SAMD5: variants seen among roughly 807,000 people sequenced by gnomAD.
SAMD5 encodes sterile alpha motif domain containing 5.
A neutral mutation model predicts 11.3 loss-of-function variants in SAMD5; 13 were observed. That is an observed-to-expected ratio of 1.15 (90% confidence interval 0.75 to 1.83). The LOEUF is 1.83. Among genes scored for constraint, SAMD5 ranks in the 40% most tolerant of loss-of-function variants. SAMD5 has a pLI of 0.00. For synonymous variants in SAMD5, 129 were observed against 111.3 expected, an observed-to-expected ratio of 1.16 and a Z score of -1.00; for missense variants, 255 against 239.1, an observed-to-expected ratio of 1.07 and a Z score of -0.44.
At chr6:147,833,500 T>C in the SAMD5 span, among the ~76,000 whole-genome samples, 1 of 152,186 alleles carries the variant, frequency 6.6e-6, no homozygotes, top group Non-Finnish European at 1.5e-5. Flanking sequence ...AAAAACCATA[T>C]TGATTTGACA....
At chr6:147,776,926 A>T in the SAMD5 span, among the ~76,000 whole-genome samples, 2 of 152,206 alleles carry the variant, frequency 1.3e-5, no homozygotes, top group African/African-American at 4.8e-5. Flanking sequence ...CAGATATGTA[A>T]TGAACTATAA....
chr6:147,841,850 C>G, the SAMD5 span, among the ~76,000 whole-genome samples: 2 of 152,078 alleles, frequency 1.3e-5, no homozygotes, highest in Admixed American at 6.6e-5. Flanking sequence ...AGCTAAAAAG[C>G]CTTTTTTGGA....
chr6:147,829,651 A>G, the SAMD5 span, among the ~76,000 whole-genome samples: 1 of 151,766 alleles, frequency 6.6e-6, no homozygotes, highest in Non-Finnish European at 1.5e-5. Context: ...GCACATTTAG[A>G]TCAACAGGGC....
At chr6:147,536,940 A>T (rs1271544935) in intron 1 of SAMD5, among the ~76,000 whole-genome samples, 2 of 152,146 alleles carry the variant, frequency 1.3e-5, no homozygotes, top group African/African-American at 4.8e-5. Flanking sequence ...GCACCTGTTA[A>T]ATTTTATAGC....
chr6:147,689,776 A>G (rs1200295848), intron 1 of SAMD5, among the ~76,000 whole-genome samples: 1 of 152,170 alleles, frequency 6.6e-6, no homozygotes, highest in East Asian at 1.9e-4. Flanking sequence ...GAATGATTTC[A>G]CTCTTTGTTG....
In SAMD5 at chr6:147,567,687, A is replaced by G. The variant is rs1789064718; in HGVS notation, c.*3231A>G. The G allele has an allele frequency of 7.1e-6, 7 of 985,076 alleles. No homozygotes were observed. Among genetic ancestry groups the G allele is most frequent in the Non-Finnish European group, 7.2e-6 (6 of 829,664 alleles). The allele number at this position is 985,076 out of a possible 1,614,324, so 61.0% of individuals were successfully genotyped here. A position where few individuals can be genotyped will look rare whatever the true frequency, so the allele number is the denominator to read the frequency against. Reference sequence around the variant, plus strand: ...ACTCTCAGTTGTCTTATTTCTTCTTATGCAGAAGAGATTACCTTAAAGCTG... The same window carrying G: ...ACTCTCAGTTGTCTTATTTCTTCTTGTGCAGAAGAGATTACCTTAAAGCTG... On this transcript the variant is annotated 3_prime_UTR_variant, in exon 2 of 2. Coordinates refer to ENST00000367474, the MANE Select transcript of SAMD5 (RefSeq NM_001030060.3).
chr6:147,716,688 C>T (rs1791473897), intron 1 of SAMD5, among the ~76,000 whole-genome samples: 1 of 152,240 alleles, frequency 6.6e-6, no homozygotes, highest in African/African-American at 2.4e-5. Context: ...CAGCCAGCAT[C>T]ATGGCAGCAG....
intron 1 of SAMD5, among the ~76,000 whole-genome samples, chr6:147,657,941 ACT>A (rs1477174768): frequency 6.7e-6 from 1 of 148,830 alleles, no homozygotes; most frequent in African/African-American, 2.4e-5. Context: ...CTAAGTGAAG[ACT>A]CTTTGTTCTA....
At chr6:147,572,759 A>G (rs1225958933), downstream of SAMD5, among the ~76,000 whole-genome samples, 2 of 152,236 alleles carry the variant, frequency 1.3e-5, no homozygotes, top group South Asian at 2.1e-4. Context: ...ATGTTAGTAT[A>G]TGGTATACTG....
intron 1 of SAMD5, among the ~76,000 whole-genome samples, chr6:147,643,380 G>C (rs1293851948): frequency 6.6e-6 from 1 of 151,908 alleles, no homozygotes; most frequent in Non-Finnish European, 1.5e-5. Flanking sequence ...TGTTAAAAAG[G>C]GGAAAAAAAC....
the SAMD5 span, among the ~76,000 whole-genome samples, chr6:147,868,311 T>A: frequency 6.6e-6 from 1 of 152,170 alleles, no homozygotes; most frequent in African/African-American, 2.4e-5. Flanking sequence ...TTACGAGACA[T>A]TAATCTTCCA....
rs75029041 is a variant in SAMD5, at chr6:147,556,837, C to T, written c.460-7557C>T. ...TATCAGAAATAAATTATATCTACAA[C>T]GATAGTATGTTATTTATAGAGCAAT... On this transcript the variant is annotated intron_variant, in intron 1 of 1. Transcript: ENST00000367474. 3.9e-4 allele frequency among the ~76,000 whole-genome samples: 59 copies of T among 152,152 alleles called. No individual in the cohort carries two copies. The South Asian group carries it at 6.4e-3, about 17-fold the overall frequency.
At position 147,567,729 on chromosome 6, in the gene SAMD5, A is replaced by T; in HGVS notation, c.*3273A>T. 1 of 985,398 alleles carries T rather than the reference A, an allele frequency of 1.0e-6. No individual in the cohort carries two copies. The highest frequency in any genetic ancestry group is 1.2e-6 in the Non-Finnish European group (1 of 829,896). 61.0% of individuals were successfully genotyped at this position (985,398 alleles called of 1,614,324 possible). A position where few individuals can be genotyped will look rare whatever the true frequency, so the allele number is the denominator to read the frequency against. Reference sequence around the variant, plus strand: ...TTAAAGCTGACTAGAAAACTCAGACATAAATTGACATTTCCTTATCATTGC... The same window carrying T: ...TTAAAGCTGACTAGAAAACTCAGACTTAAATTGACATTTCCTTATCATTGC... On this transcript the variant is annotated 3_prime_UTR_variant, in exon 2 of 2. Coordinates refer to ENST00000367474, the MANE Select transcript of SAMD5 (RefSeq NM_001030060.3).
At chr6:147,951,639 C>CA in the SAMD5 span, among the ~76,000 whole-genome samples, 3 of 151,664 alleles carry the variant, frequency 2.0e-5, no homozygotes, top group African/African-American at 7.3e-5. Flanking sequence ...GTTTGATCAG[C>CA]AAAAAAATAA....
chr6:147,663,017 GATA>G (rs2128454613), intron 1 of SAMD5, among the ~76,000 whole-genome samples: 1 of 152,272 alleles, frequency 6.6e-6, no homozygotes, highest in African/African-American at 2.4e-5. Flanking sequence ...AATGACATCT[GATA>G]ATGTGTCATT....
intron 1 of SAMD5, among the ~76,000 whole-genome samples, chr6:147,652,954 G>T (rs2015102): frequency 6.6e-6 from 1 of 151,978 alleles, no homozygotes; most frequent in African/African-American, 2.4e-5. Context: ...CAGCGACTTC[G>T]ATTTGTTTGC....
the SAMD5 span, among the ~76,000 whole-genome samples, chr6:147,849,638 T>C: frequency 1.3e-5 from 2 of 152,178 alleles, no homozygotes; most frequent in Non-Finnish European, 2.9e-5. Flanking sequence ...TTACGATTAA[T>C]TGTCCAAATT....
chr6:147,856,015 G>A, the SAMD5 span, among the ~76,000 whole-genome samples: 2 of 152,016 alleles, frequency 1.3e-5, no homozygotes, highest in African/African-American at 4.8e-5. Context: ...ACCAAAACCT[G>A]GAAACAAGCC....
At chr6:147,854,295 G>A in the SAMD5 span, among the ~76,000 whole-genome samples, 2 of 152,174 alleles carry the variant, frequency 1.3e-5, no homozygotes, top group African/African-American at 4.8e-5. Context: ...AAACGAGAAG[G>A]TTTGGTCAGG....
Sources: allele counts gnomAD v4.1 joint callset (sites outside exome capture counted in the v4.1 genomes callset), GRCh38; gene constraint gnomAD v4.1.1; transcripts MANE v1.5; gene names NCBI Gene and HGNC (gene_info 2026-07-23, HGNC 2026-07-21).